Variants in PAPOLA observed in about 807,000 individuals in gnomAD.
PAPOLA encodes the protein poly(A) polymerase alpha.
A neutral mutation model predicts 100.6 loss-of-function variants in PAPOLA; 15 were observed. The observed-to-expected ratio is 0.15, with a 90% CI of 0.10 to 0.23. PAPOLA has a LOEUF of 0.23. Among genes scored for constraint, PAPOLA ranks in the 10% least tolerant of loss-of-function variants. The pLI is 1.00. For missense variants in PAPOLA, 533 were observed against 884.2 expected, an observed-to-expected ratio of 0.60 and a Z score of 5.04; for synonymous variants, 293 against 300.0, an observed-to-expected ratio of 0.98 and a Z score of 0.24.
At position 96,557,069 on chromosome 14, in the gene PAPOLA, A is replaced by G. The variant is rs138427135; in HGVS notation, c.2004+656A>G. Among the ~76,000 whole-genome samples the G allele has an allele frequency of 5.8e-4, 89 of 152,180 alleles. 1 individual carries two copies. Among genetic ancestry groups the G allele is most frequent in the African/African-American group, 2.0e-3 (84 of 41,518 alleles). On this transcript the variant is annotated intron_variant, in intron 19 of 21. Coordinates refer to ENST00000216277, the MANE Select transcript of PAPOLA (RefSeq NM_032632.5). ...AATTTTTTGTTTTTTGTTTTGAGAC[A>G]GGGGCTGGCTCTTTTGCCCAGGTTG... is the stretch of plus-strand genomic sequence containing the variant.
chr14:96,508,446 T>G lies in PAPOLA; in HGVS notation c.8+5846T>G, dbSNP rs550504653. On this transcript the variant is annotated intron_variant, in intron 1 of 21. Coordinates refer to ENST00000216277, the MANE Select transcript of PAPOLA (RefSeq NM_032632.5). The stretch of plus-strand genomic sequence containing the variant: ...CATGTTTTCAGTCCATATTTTTTGG[T>G]AGAGAAGTTGGAAGGCAAGGTATTG... 9.8e-5 allele frequency among the ~76,000 whole-genome samples: 15 copies of G among 152,338 alleles called. No homozygotes were observed. The South Asian group carries it at 3.1e-3, about 32-fold the overall frequency.
intron 7 of PAPOLA, chr14:96,532,067 A>T: frequency 1.6e-6 from 2 of 1,278,338 alleles, no homozygotes; most frequent in South Asian, 4.6e-5. Context: ...CTGAAGTTCA[A>T]ATTGGGGCAG....
At chr14:96,528,848 G>A (rs1293588479) in intron 6 of PAPOLA, among the ~76,000 whole-genome samples, 1 of 152,212 alleles carries the variant, frequency 6.6e-6, no homozygotes. Flanking sequence ...TTAATAAGTA[G>A]ACATAAAATG....
chr14:96,527,200 A>G (rs772873277), intron 4 of PAPOLA: 5 of 466,902 alleles, frequency 1.1e-5, no homozygotes, highest in African/African-American at 1.0e-4. Context: ...TTGGGCTCCC[A>G]GTTTACTTGG....
At chr14:96,534,650 C>T (rs1485264122) in intron 10 of PAPOLA, 87 bp downstream of exon 10, 1 of 1,601,664 alleles carries the variant, frequency 6.2e-7, no homozygotes, top group Non-Finnish European at 8.5e-7. Flanking sequence ...AGACTTCCAG[C>T]CTTTTACTTA....
chr14:96,520,260 G>T (rs1373678810), intron 2 of PAPOLA, 32 bp downstream of exon 2: 1 of 1,551,024 alleles, frequency 6.4e-7, no homozygotes, highest in Non-Finnish European at 8.8e-7. Context: ...TTTTAACTCG[G>T]AAACTTTTAT....
rs1480104461 is a variant in PAPOLA at position 96,566,076 on chromosome 14, T to C, written c.*1026T>C. 1 of 395,488 alleles carries C rather than the reference T, an allele frequency of 2.5e-6. No individual in the cohort carries two copies. The highest frequency in any genetic ancestry group is 2.1e-5 in the African/African-American group (1 of 48,528). 24.5% of individuals were successfully genotyped at this position (395,488 alleles called of 1,614,324 possible). ...CATGATATCTATCTGGGATGGCCATTTGATCTCTAAAAGGAATTTTGTACA... is the reference window on the plus strand; with the variant it reads ...CATGATATCTATCTGGGATGGCCATCTGATCTCTAAAAGGAATTTTGTACA... On this transcript the variant is annotated 3_prime_UTR_variant, in exon 22 of 22. Transcript: ENST00000216277.
At chr14:96,514,536 G>A (rs1225658263) in intron 1 of PAPOLA, among the ~76,000 whole-genome samples, 1 of 152,126 alleles carries the variant, frequency 6.6e-6, no homozygotes, top group African/African-American at 2.4e-5. Flanking sequence ...AGTTGAGATT[G>A]TATATATTAG....
intron 9 of PAPOLA, 42 bp downstream of exon 9, chr14:96,532,691 A>C (rs1899141737): frequency 6.6e-7 from 1 of 1,526,354 alleles, no homozygotes; most frequent in Non-Finnish European, 8.7e-7. Flanking sequence ...GATTGTAGAC[A>C]CTGAAGTTTA....
chr14:96,544,925 A>C (rs887199373), intron 15 of PAPOLA, among the ~76,000 whole-genome samples: 1 of 152,032 alleles, frequency 6.6e-6, no homozygotes, highest in Non-Finnish European at 1.5e-5. Flanking sequence ...CCTAAGATGA[A>C]AGGTAGTTCA....
intron 3 of PAPOLA, among the ~76,000 whole-genome samples, chr14:96,523,512 A>G (rs1898191971): frequency 6.6e-6 from 1 of 152,180 alleles, no homozygotes. Context: ...GTGTTTTAAG[A>G]TAGTTTCTCC....
At chr14:96,504,662 C>T (rs1447919363) in intron 1 of PAPOLA, 1 of 152,260 alleles carries the variant, frequency 6.6e-6, no homozygotes, top group Non-Finnish European at 1.5e-5. Flanking sequence ...GATCATGCCA[C>T]TGCGTTCCAG....
At chr14:96,522,680 C>T (rs1315230267) in intron 3 of PAPOLA, among the ~76,000 whole-genome samples, 1 of 152,158 alleles carries the variant, frequency 6.6e-6, no homozygotes, top group Non-Finnish European at 1.5e-5. Context: ...GCCAGGATTA[C>T]AGGGGTGAGC....
At chr14:96,549,306 T>G (rs1900646833) in intron 16 of PAPOLA, among the ~76,000 whole-genome samples, 1 of 151,652 alleles carries the variant, frequency 6.6e-6, no homozygotes, top group Admixed American at 6.6e-5. Flanking sequence ...TGGAGTGCCG[T>G]GGCACAATTT....
chr14:96,555,276 G>C (rs1404710976), intron 17 of PAPOLA, among the ~76,000 whole-genome samples: 1 of 137,234 alleles, frequency 7.3e-6, no homozygotes, highest in Non-Finnish European at 1.5e-5. Flanking sequence ...AGGGCTCACT[G>C]TGTTGTCCGG....
intron 1 of PAPOLA, among the ~76,000 whole-genome samples, chr14:96,512,223 G>A (rs1468654378): frequency 6.6e-6 from 1 of 151,662 alleles, no homozygotes; most frequent in Non-Finnish European, 1.5e-5. Context: ...GCTTGATTGT[G>A]TTTCTATGAA....
Position 96,556,155 on chromosome 14 carries a change from C to A in PAPOLA, c.1766-20C>A. 6.4e-7 allele frequency: 1 copy of A among 1,562,518 alleles called. No homozygotes were observed. The highest frequency in any genetic ancestry group is 8.8e-7 in the Non-Finnish European group (1 of 1,133,104). The stretch of plus-strand genomic sequence containing the variant: ...ATTTGGTTATTTTAATTTGTATATA[C>A]TCATATATTTGCTGCTTAGGTACAT... On this transcript the variant is annotated intron_variant, in intron 18 of 21. Coordinates refer to ENST00000216277, the MANE Select transcript of PAPOLA (RefSeq NM_032632.5).
Position 96,507,280 on chromosome 14 carries a change from G to GTTTTTTTTTTTTT in PAPOLA, c.8+4693_8+4705dup, listed in dbSNP as rs71103533. On this transcript the variant is annotated intron_variant, in intron 1 of 21. Coordinates refer to ENST00000216277, the MANE Select transcript of PAPOLA (RefSeq NM_032632.5). ...ACTAAATTTTTTGTTTTGGAAAATA[G>GTTTTTTTTTTTTT]TTTTTTTTTTTTTTTTTTTTTTTTT... 2.5e-3 allele frequency among the ~76,000 whole-genome samples: 202 copies of GTTTTTTTTTTTTT among 80,690 alleles called. 16 individuals are homozygous for GTTTTTTTTTTTTT. Among genetic ancestry groups the GTTTTTTTTTTTTT allele is most frequent in the Middle Eastern group, 0.011 (1 of 90 alleles). The allele number at this position is 80,690 out of a possible 152,430, so 52.9% of individuals were successfully genotyped here.
intron 1 of PAPOLA, among the ~76,000 whole-genome samples, chr14:96,511,947 A>C (rs533611054): frequency 6.6e-6 from 1 of 152,232 alleles, no homozygotes; most frequent in African/African-American, 2.4e-5. Context: ...TATTTCACAA[A>C]ATAGTGTTTT....
Sources: allele counts gnomAD v4.1 joint callset (sites outside exome capture counted in the v4.1 genomes callset), GRCh38; gene constraint gnomAD v4.1.1; transcripts MANE v1.5; gene names NCBI Gene and HGNC (gene_info 2026-07-23, HGNC 2026-07-21).